MYLK4: variants seen among roughly 807,000 people sequenced by gnomAD.
The protein encoded by MYLK4 is myosin light chain kinase family member 4.
A neutral mutation model predicts 48.1 loss-of-function variants in MYLK4; 46 were observed. The ratio of observed to expected loss-of-function variants is 0.96; its 90% CI spans 0.75 to 1.22. MYLK4 has a LOEUF of 1.22. Ranked by LOEUF, MYLK4 falls within the 50% of genes most tolerant of loss-of-function variation. The pLI is 0.00. For synonymous variants in MYLK4, 170 were observed against 180.8 expected (o/e 0.94, Z 0.48); for missense variants, 451 against 486.1 (o/e 0.93, Z 0.68).
At position 2,725,560 on chromosome 6, in the gene MYLK4, A is replaced by AAAG. The variant is rs1377510172; in HGVS notation, c.159+23573_159+23575dup. Among the ~76,000 whole-genome samples, 762 of 137,782 alleles carry AAAG rather than the reference A, an allele frequency of 5.5e-3. 8 individuals carry two copies. The highest frequency in any genetic ancestry group is 0.019 in the African/African-American group (709 of 36,646). 90.4% of individuals were successfully genotyped at this position (137,782 alleles called of 152,430 possible). ...CAAAGAAAGAAACAAAGAAACAAAG[A>AAAG]AAGAAAGAAAGAAAGAAAAAGAAAG... is the stretch of plus-strand genomic sequence containing the variant. On this transcript the variant is annotated intron_variant, in intron 2 of 12. Coordinates refer to ENST00000274643, the MANE Select transcript of MYLK4 (RefSeq NM_001012418.5).
the MYLK4 span, among the ~76,000 whole-genome samples, chr6:2,762,411 G>A: frequency 2.6e-5 from 4 of 152,106 alleles, no homozygotes; most frequent in African/African-American, 7.2e-5. Flanking sequence ...ATTATTTTCT[G>A]AAAAAAGAAA....
chr6:2,695,142 TC>T (rs1446846240), intron 2 of MYLK4, among the ~76,000 whole-genome samples: 11 of 152,226 alleles, frequency 7.2e-5, no homozygotes, highest in African/African-American at 2.4e-4. Flanking sequence ...TCCAAATTAG[TC>T]GAATAAGACA....
intron 2 of MYLK4, among the ~76,000 whole-genome samples, chr6:2,733,524 A>G (rs1394489705): frequency 6.6e-6 from 1 of 152,138 alleles, no homozygotes. Flanking sequence ...CATCAGCCTC[A>G]CTCACAGAGA....
the MYLK4 span, chr6:2,765,918 G>GCGA: frequency 6.9e-7 from 1 of 1,454,164 alleles, no homozygotes; most frequent in Non-Finnish European, 9.1e-7. Context: ...GGTGAGGAGG[G>GCGA]CGACGACGGC....
chr6:2,668,107 T>A (rs1279131234), intron 12 of MYLK4, among the ~76,000 whole-genome samples: 2 of 59,146 alleles, frequency 3.4e-5, no homozygotes, highest in Admixed American at 1.5e-4. Flanking sequence ...GTGCAAGACA[T>A]TTTTTTTTTC....
Position 2,685,833 on chromosome 6 carries a change from G to A in MYLK4, c.342-257C>T, listed in dbSNP as rs1466178020. On this transcript the variant is annotated intron_variant, in intron 4 of 12. Coordinates refer to ENST00000274643, the MANE Select transcript of MYLK4 (RefSeq NM_001012418.5). This position sits in a 1 kb window ranked among gnomAD's most constrained non-coding sequence, Gnocchi z 4.5. Reference sequence around the variant, plus strand: ...CACCTGTAATCCCAGCACTTTGGGAGGCCGAGGCGGGAGGATCACGAGGTC... The same window carrying A: ...CACCTGTAATCCCAGCACTTTGGGAAGCCGAGGCGGGAGGATCACGAGGTC... 6.6e-6 allele frequency among the ~76,000 whole-genome samples: 1 copy of A among 152,154 alleles called. No homozygotes were observed. The highest frequency in any genetic ancestry group is 2.4e-5 in the African/African-American group (1 of 41,442).
chr6:2,722,599 C>G (rs1201984903), intron 2 of MYLK4, among the ~76,000 whole-genome samples: 1 of 151,086 alleles, frequency 6.6e-6, no homozygotes, highest in Non-Finnish European at 1.5e-5. Flanking sequence ...ATCTTTCTCT[C>G]TACAGAAGTC....
chr6:2,730,363 G>A (rs556188465), intron 2 of MYLK4, among the ~76,000 whole-genome samples: 1 of 152,348 alleles, frequency 6.6e-6, no homozygotes, highest in South Asian at 2.1e-4. Flanking sequence ...CATAGCGGGA[G>A]GAAGGATGCA....
chr6:2,699,780 TGAAAA>T (rs1762221770), intron 2 of MYLK4, among the ~76,000 whole-genome samples: 1 of 152,166 alleles, frequency 6.6e-6, no homozygotes, highest in Non-Finnish European at 1.5e-5. Context: ...TGAGGAGGTT[TGAAAA>T]GATCAGCGCT....
At chr6:2,762,145 T>C in the MYLK4 span, among the ~76,000 whole-genome samples, 1 of 152,280 alleles carries the variant, frequency 6.6e-6, no homozygotes, top group South Asian at 2.1e-4. Flanking sequence ...CCTGTCCTTT[T>C]GTGATTCGCC....
At chr6:2,717,122 G>A (rs1046995978) in intron 2 of MYLK4, among the ~76,000 whole-genome samples, 1 of 152,178 alleles carries the variant, frequency 6.6e-6, no homozygotes, top group Non-Finnish European at 1.5e-5. Context: ...AGCCACTGCA[G>A]GCAAGGTGAA....
the MYLK4 span, chr6:2,768,816 G>A: frequency 3.1e-6 from 5 of 1,613,794 alleles, no homozygotes; most frequent in Non-Finnish European, 4.2e-6. Flanking sequence ...AAAATGAAAA[G>A]AGCTTTTTCA....
the MYLK4 span, among the ~76,000 whole-genome samples, chr6:2,758,460 T>G: frequency 6.6e-6 from 1 of 151,726 alleles, no homozygotes; most frequent in African/African-American, 2.4e-5. Context: ...AAAAGATATA[T>G]GTATCTTTTA....
intron 4 of MYLK4, among the ~76,000 whole-genome samples, chr6:2,688,253 T>C (rs1761635033): frequency 6.6e-6 from 1 of 152,118 alleles, no homozygotes; most frequent in South Asian, 2.1e-4. Context: ...GAGACGGGGT[T>C]TCACCATGTT....
At chr6:2,763,350 T>TC in the MYLK4 span, among the ~76,000 whole-genome samples, 1 of 152,240 alleles carries the variant, frequency 6.6e-6, no homozygotes, top group Non-Finnish European at 1.5e-5. Flanking sequence ...TGCTCAGCTC[T>TC]GGGGTGGTGA....
intron 2 of MYLK4, among the ~76,000 whole-genome samples, chr6:2,709,713 C>T (rs1186928384): frequency 2.0e-5 from 3 of 152,330 alleles, no homozygotes; most frequent in Admixed American, 2.0e-4. Flanking sequence ...GGTTAGCTTG[C>T]TAATGTACGA....
chr6:2,766,878 C>T, the MYLK4 span, among the ~76,000 whole-genome samples: 1 of 151,114 alleles, frequency 6.6e-6, no homozygotes, highest in Non-Finnish European at 1.5e-5. Context: ...TGAAAAAAAT[C>T]AAATTAATTC....
At chr6:2,674,389 C>T (rs534990884) in intron 11 of MYLK4, among the ~76,000 whole-genome samples, 2 of 152,152 alleles carry the variant, frequency 1.3e-5, no homozygotes, top group African/African-American at 2.4e-5. Flanking sequence ...GCATATTTCT[C>T]CTGAATGAAC....
intron 2 of MYLK4, among the ~76,000 whole-genome samples, chr6:2,712,095 A>C (rs1762695123): frequency 6.6e-6 from 1 of 152,182 alleles, no homozygotes; most frequent in Non-Finnish European, 1.5e-5. Context: ...TATTCAAAAA[A>C]AGCACCACCA....
Sources: gnomAD v4.1 joint callset for allele counts (sites outside exome capture counted in the v4.1 genomes callset) on GRCh38, gnomAD v4.1.1 for gene constraint, Gnocchi (gnomAD v3.1) non-coding constraint, MANE v1.5 for transcripts, NCBI Gene and HGNC (gene_info 2026-07-23, HGNC 2026-07-21) for gene names.